THSD7A: variants seen among roughly 807,000 people sequenced by gnomAD.
The protein encoded by THSD7A is thrombospondin type-1 domain-containing protein 7A.
A neutral mutation model predicts 231.3 loss-of-function variants in THSD7A; 96 were observed. The observed-to-expected ratio is 0.41, with a 90% CI of 0.35 to 0.49. The LOEUF (loss-of-function observed/expected upper bound fraction) is 0.49, where lower values mean the gene tolerates loss of function less well. Ranked by LOEUF, THSD7A falls within the 20% of genes least tolerant of loss-of-function variation. The probability of loss-of-function intolerance (pLI) is 0.05; values close to 1 mark genes in which losing one functional copy is unlikely to be tolerated. For synonymous variants in THSD7A, 940 were observed against 743.3 expected (o/e 1.26, Z -4.30); for missense variants, 2,290 against 2,070.2 (o/e 1.11, Z -2.06).
At chr7:11,757,176 T>C (rs566084042) in intron 1 of THSD7A, among the ~76,000 whole-genome samples, 9 of 152,158 alleles carry the variant, frequency 5.9e-5, no homozygotes, top group Non-Finnish European at 1.3e-4. Context: ...ACTGAAAAGA[T>C]ACTAAAAGCA....
chr7:11,543,986 A>G (rs1418114847), intron 4 of THSD7A, among the ~76,000 whole-genome samples: 2 of 152,158 alleles, frequency 1.3e-5, no homozygotes, highest in East Asian at 3.9e-4. Context: ...ATATCTGTCT[A>G]TCTATCTATA....
chr7:11,560,404 C>A (rs549102050), intron 4 of THSD7A, among the ~76,000 whole-genome samples: 1 of 151,922 alleles, frequency 6.6e-6, no homozygotes, highest in Admixed American at 6.6e-5. Context: ...ATCACATATT[C>A]TGTGACTATG....
At chr7:11,622,992 G>A (rs946378368) in intron 2 of THSD7A, among the ~76,000 whole-genome samples, 3 of 152,134 alleles carry the variant, frequency 2.0e-5, no homozygotes, top group African/African-American at 7.2e-5. Flanking sequence ...CACAAGGGGA[G>A]ATGTTTACAC....
chr7:11,555,907 T>C (rs1178632499), intron 4 of THSD7A, among the ~76,000 whole-genome samples: 5 of 151,852 alleles, frequency 3.3e-5, no homozygotes, highest in African/African-American at 9.7e-5. Flanking sequence ...CCTGCTTCCA[T>C]TGAATAACAT....
intron 1 of THSD7A, among the ~76,000 whole-genome samples, chr7:11,766,806 C>T (rs570613623): frequency 5.3e-5 from 8 of 152,016 alleles, no homozygotes; most frequent in South Asian, 2.1e-4. Context: ...GCCAATGCAA[C>T]GAGTGGGGTT....
intron 6 of THSD7A, among the ~76,000 whole-genome samples, chr7:11,538,596 T>C (rs1467607063): frequency 6.6e-6 from 1 of 152,116 alleles, no homozygotes; most frequent in Non-Finnish European, 1.5e-5. Context: ...ATCTTTGGAG[T>C]AGGTTCCTGC....
chr7:11,762,196 T>C (rs1323246359), intron 1 of THSD7A, among the ~76,000 whole-genome samples: 2 of 152,150 alleles, frequency 1.3e-5, no homozygotes, highest in Non-Finnish European at 2.9e-5. Context: ...AATAGTGCTG[T>C]GATAAACATA....
chr7:11,711,029 G>A (rs111891131), intron 1 of THSD7A, among the ~76,000 whole-genome samples: 85 of 151,084 alleles, frequency 5.6e-4, no homozygotes, highest in African/African-American at 1.9e-3. Flanking sequence ...AGTGAGCAAA[G>A]AAGGAAAATG....
intron 1 of THSD7A, among the ~76,000 whole-genome samples, chr7:11,713,168 A>G (rs556039689): frequency 2.0e-5 from 3 of 151,350 alleles, no homozygotes; most frequent in African/African-American, 7.2e-5. Context: ...TTGCTGCCAA[A>G]CCAGTTAGCA....
At chr7:11,772,208 CA>C (rs113430931) in intron 1 of THSD7A, among the ~76,000 whole-genome samples, 3 of 144,670 alleles carry the variant, frequency 2.1e-5, no homozygotes, top group South Asian at 2.2e-4. Context: ...AAAGTTAAAA[CA>C]AAAAAAAACA....
At chr7:11,648,581 T>C (rs1218157770) in intron 1 of THSD7A, among the ~76,000 whole-genome samples, 1 of 151,818 alleles carries the variant, frequency 6.6e-6, no homozygotes, top group Non-Finnish European at 1.5e-5. Context: ...AAAAAGTTAG[T>C]GTCCAACATG....
intron 1 of THSD7A, among the ~76,000 whole-genome samples, chr7:11,769,667 G>A (rs896208853): frequency 6.6e-6 from 1 of 151,892 alleles, no homozygotes; most frequent in Non-Finnish European, 1.5e-5. Flanking sequence ...ATTAATGTTG[G>A]CTAATAGTTC....
intron 1 of THSD7A, among the ~76,000 whole-genome samples, chr7:11,764,832 T>C (rs924412581): frequency 6.6e-6 from 1 of 152,036 alleles, no homozygotes; most frequent in Non-Finnish European, 1.5e-5. Flanking sequence ...AAACAATATT[T>C]TAAAATTGAA....
At chr7:11,421,284 TG>T (rs1284698563) in intron 16 of THSD7A, among the ~76,000 whole-genome samples, 1 of 152,172 alleles carries the variant, frequency 6.6e-6, no homozygotes, top group Non-Finnish European at 1.5e-5. Flanking sequence ...GCTGTTCTCA[TG>T]ATAGTGAGTG....
intron 2 of THSD7A, among the ~76,000 whole-genome samples, chr7:11,612,963 C>G (rs1309680610): frequency 2.0e-5 from 3 of 152,136 alleles, no homozygotes; most frequent in African/African-American, 7.2e-5. Context: ...TACATCAACT[C>G]TCTTTGTCAC....
chr7:11,389,421 C>CTTTTTTTTTTTTTTTTTTTTTT, intron 23 of THSD7A, among the ~76,000 whole-genome samples: 1 of 37,608 alleles, frequency 2.7e-5, no homozygotes, highest in Non-Finnish European at 4.8e-5. Context: ...GCAACTCCTG[C>CTTTTTTTTTTTTTTTTTTTTTT]TTTTTTTTTT....
chr7:11,602,321 T>G (rs1435727139), intron 2 of THSD7A, among the ~76,000 whole-genome samples: 1 of 152,122 alleles, frequency 6.6e-6, no homozygotes, highest in African/African-American at 2.4e-5. Context: ...TGTGTATATA[T>G]GTAGTTTATC....
At chr7:11,785,561 T>G (rs1783763759) in intron 1 of THSD7A, among the ~76,000 whole-genome samples, 1 of 152,158 alleles carries the variant, frequency 6.6e-6, no homozygotes, top group South Asian at 2.1e-4. Context: ...TTTTTCCCAT[T>G]TTTTGCCTGC....
At chr7:11,793,591 G>T (rs1265472217) in intron 1 of THSD7A, among the ~76,000 whole-genome samples, 1 of 151,594 alleles carries the variant, frequency 6.6e-6, no homozygotes, top group East Asian at 1.9e-4. Flanking sequence ...TGAAAAAAAT[G>T]AAGAAACATA....
Sources: allele counts gnomAD v4.1 joint callset (sites outside exome capture counted in the v4.1 genomes callset), GRCh38; gene constraint gnomAD v4.1.1; transcripts MANE v1.5; gene names NCBI Gene and HGNC (gene_info 2026-07-23, HGNC 2026-07-21).